BICC1: variants seen among roughly 807,000 people sequenced by gnomAD.
The protein encoded by BICC1 is BicC family RNA binding protein 1.
Under a neutral mutation model 111.0 loss-of-function variants are expected in BICC1, and 43 were observed. The ratio of observed to expected loss-of-function variants is 0.39; its 90% CI spans 0.30 to 0.50. The LOEUF is 0.50. Ranked by LOEUF, BICC1 falls within the 20% of genes least tolerant of loss-of-function variation. BICC1 has a pLI of 0.88. For missense variants in BICC1, 1,091 were observed against 1,203.2 expected (o/e 0.91, Z 1.38); for synonymous variants, 467 against 434.4 (o/e 1.07, Z -0.93).
rs1844487126 is a variant in BICC1, at chr10:58,829,190, G to GTTTTT, written c.*299_*300insTTTTT. On this transcript the variant is annotated 3_prime_UTR_variant, in exon 21 of 21. Transcript: ENST00000373886. Reference sequence around the variant, plus strand: ...TTACCTATATAACATATGCACTGATGATTTTTTTTTTTTTTTTTTTTTTTT... The same window carrying GTTTTT: ...TTACCTATATAACATATGCACTGATGTTTTTATTTTTTTTTTTTTTTTTTTTTTTT... 2.7e-5 allele frequency: 2 copies of GTTTTT among 73,564 alleles called. No individual in the cohort carries two copies. Among genetic ancestry groups the GTTTTT allele is most frequent in the South Asian group, 4.8e-4 (1 of 2,090 alleles). The allele number at this position is 73,564 out of a possible 1,614,324, so 4.6% of individuals were successfully genotyped here.
intron 3 of BICC1, among the ~76,000 whole-genome samples, chr10:58,783,240 A>G (rs998780840): frequency 2.6e-5 from 4 of 152,130 alleles, no homozygotes; most frequent in African/African-American, 9.7e-5. Context: ...CAAATTAGGC[A>G]CAGCTGCTGG....
chr10:58,648,026 G>C (rs555248523), intron 2 of BICC1, among the ~76,000 whole-genome samples: 1 of 152,076 alleles, frequency 6.6e-6, no homozygotes, highest in Admixed American at 6.5e-5. Flanking sequence ...CTAAGTTATT[G>C]TCTTAACTTG....
chr10:58,827,906 A>G (rs1844445800), intron 20 of BICC1, among the ~76,000 whole-genome samples: 1 of 152,046 alleles, frequency 6.6e-6, no homozygotes, highest in African/African-American at 2.4e-5. Context: ...CTCCTTCTCA[A>G]CCTACTCAAC....
chr10:58,617,157 G>A (rs1845641776), intron 1 of BICC1, among the ~76,000 whole-genome samples: 3 of 152,284 alleles, frequency 2.0e-5, no homozygotes. Context: ...TGTTAGAGAA[G>A]CAGTTAGTAA....
intron 3 of BICC1, among the ~76,000 whole-genome samples, chr10:58,704,588 T>A (rs1032011559): frequency 2.6e-5 from 4 of 152,232 alleles, no homozygotes; most frequent in Non-Finnish European, 5.9e-5. Context: ...CTGATGTGGC[T>A]TTTCCTTCTC....
chr10:58,562,565 G>C (rs1263870153), intron 1 of BICC1, among the ~76,000 whole-genome samples: 4 of 151,960 alleles, frequency 2.6e-5, no homozygotes, highest in African/African-American at 9.7e-5. Context: ...GTATCTTGCT[G>C]AGTTTTCTTA....
intron 1 of BICC1, among the ~76,000 whole-genome samples, chr10:58,542,623 G>A (rs1843023109): frequency 6.6e-6 from 1 of 151,954 alleles, no homozygotes; most frequent in Admixed American, 6.6e-5. Context: ...ATCTCATAAC[G>A]GGTACATAAC....
Position 58,621,142 on chromosome 10 carries a change from A to G in BICC1, c.237+241A>G, listed in dbSNP as rs772751353. On this transcript the variant is annotated intron_variant, in intron 2 of 20. Transcript: ENST00000373886. ...ATTTTTGCTTAAAGGCAAATAAGCAAAATGTAAGAGGGCTCAGAGGTGGAT... is the reference window on the plus strand; with the variant it reads ...ATTTTTGCTTAAAGGCAAATAAGCAGAATGTAAGAGGGCTCAGAGGTGGAT... Among the ~76,000 whole-genome samples, 75 of 152,210 alleles carry G rather than the reference A, an allele frequency of 4.9e-4. 1 individual carries two copies. Among genetic ancestry groups the G allele is most frequent in the Non-Finnish European group, 4.1e-4 (28 of 68,050 alleles).
rs1327707896 is a variant in BICC1 at position 58,513,122 on chromosome 10, G to A, written c.-22G>A. On this transcript the variant is annotated 5_prime_UTR_variant, in exon 1 of 21. Coordinates refer to ENST00000373886, the MANE Select transcript of BICC1 (RefSeq NM_001080512.3). ...AGGCAGAGCGGCGGCGGCAGCGGGAGCCCGAGCGCTGCGCGCCCACCATGG... is the reference window on the plus strand; with the variant it reads ...AGGCAGAGCGGCGGCGGCAGCGGGAACCCGAGCGCTGCGCGCCCACCATGG... 1.2e-5 allele frequency: 17 copies of A among 1,408,840 alleles called. 1 individual carries two copies. The African/African-American group carries it at 1.5e-4, about 13-fold the overall frequency. 87.3% of individuals were successfully genotyped at this position (1,408,840 alleles called of 1,614,324 possible). A position where few individuals can be genotyped will look rare whatever the true frequency, so the allele number is the denominator to read the frequency against.
rs745619817 is a variant in BICC1, at chr10:58,807,127, C to T, written c.2345C>T (p.Ser782Phe). ...IKELRRANHV[S>F]YKPTMTTTYE... Reference sequence around the variant, plus strand: ...GAGTTGAGAAGGGCCAATCATGTGTCCTATAAGCCCACAATGACAACCACT... The same window carrying T: ...GAGTTGAGAAGGGCCAATCATGTGTTCTATAAGCCCACAATGACAACCACT... Residue 782 changes from serine to phenylalanine, a missense_variant, in exon 17 of 21, where the codon TCC (serine) becomes TTC (phenylalanine). Coordinates refer to ENST00000373886, the MANE Select transcript of BICC1 (RefSeq NM_001080512.3). 4.3e-6 allele frequency: 7 copies of T among 1,613,760 alleles called. No homozygotes were observed. The highest frequency in any genetic ancestry group is 5.1e-6 in the Non-Finnish European group (6 of 1,179,806).
chr10:58,780,384 T>C (rs1353654640), intron 3 of BICC1, among the ~76,000 whole-genome samples: 2 of 152,158 alleles, frequency 1.3e-5, no homozygotes, highest in Admixed American at 1.3e-4. Context: ...TTCTGTTGTT[T>C]TCTGTCTCTA....
At chr10:58,643,878 T>G (rs1218073322) in intron 2 of BICC1, among the ~76,000 whole-genome samples, 1 of 152,188 alleles carries the variant, frequency 6.6e-6, no homozygotes, top group Non-Finnish European at 1.5e-5. Context: ...AATTACCTAA[T>G]GAGACACTGC....
At chr10:58,634,752 G>A (rs1185936519) in intron 2 of BICC1, among the ~76,000 whole-genome samples, 1 of 152,150 alleles carries the variant, frequency 6.6e-6, no homozygotes, top group South Asian at 2.1e-4. Context: ...ACTATTGATA[G>A]CCTAGTGTTG....
intron 1 of BICC1, among the ~76,000 whole-genome samples, chr10:58,612,170 A>G (rs1486413088): frequency 6.6e-6 from 1 of 152,242 alleles, no homozygotes; most frequent in African/African-American, 2.4e-5. Context: ...AATGATGACT[A>G]TGATTTTAAT....
At chr10:58,742,431 ATTTTTTTTTTTT>A (rs554670544) in intron 3 of BICC1, among the ~76,000 whole-genome samples, 5 of 94,164 alleles carry the variant, frequency 5.3e-5, no homozygotes, top group African/African-American at 9.5e-5. Flanking sequence ...GTATGCTTTA[ATTTTTTTTTTTT>A]TTTTTTTTTT....
chr10:58,564,433 G>A (rs1310232961), intron 1 of BICC1, among the ~76,000 whole-genome samples: 3 of 152,192 alleles, frequency 2.0e-5, no homozygotes, highest in Non-Finnish European at 4.4e-5. Flanking sequence ...TATGGATGAA[G>A]AACCTATTTT....
chr10:58,680,964 A>C (rs1839502128), intron 2 of BICC1, among the ~76,000 whole-genome samples: 1 of 152,256 alleles, frequency 6.6e-6, no homozygotes, highest in Admixed American at 6.5e-5. Flanking sequence ...AAAACTGGCT[A>C]GCCATATGCA....
At chr10:58,563,714 A>G (rs960478719) in intron 1 of BICC1, among the ~76,000 whole-genome samples, 1 of 152,222 alleles carries the variant, frequency 6.6e-6, no homozygotes, top group African/African-American at 2.4e-5. Context: ...TTTGAAAATC[A>G]GAGACAAAGG....
At chr10:58,796,288 A>G (rs1240974140) in intron 9 of BICC1, 52 bp from the exon 10 acceptor site, 13 of 1,507,052 alleles carry the variant, frequency 8.6e-6, no homozygotes, top group Admixed American at 1.7e-5. Context: ...TCCCCCATTC[A>G]TTGTAGACTA....
Sources: gnomAD v4.1 joint callset for allele counts (sites outside exome capture counted in the v4.1 genomes callset) on GRCh38, gnomAD v4.1.1 for gene constraint, MANE v1.5 for transcripts, NCBI Gene and HGNC (gene_info 2026-07-23, HGNC 2026-07-21) for gene names.